TM2D1: variants seen among roughly 807,000 people sequenced by gnomAD.
The protein encoded by TM2D1 is TM2 domain containing 1.
A neutral mutation model predicts 28.4 loss-of-function variants in TM2D1; 15 were observed. The observed-to-expected ratio is 0.53, with a 90% CI of 0.35 to 0.81. TM2D1 has a LOEUF of 0.81. TM2D1 is among the 40% of genes least tolerant of loss of function. The probability of loss-of-function intolerance (pLI) is 0.01; values close to 1 mark genes in which losing one functional copy is unlikely to be tolerated. For missense variants in TM2D1, 236 were observed against 254.9 expected (o/e 0.93, Z 0.50); for synonymous variants, 93 against 96.2 (o/e 0.97, Z 0.20).
intron 5 of TM2D1, among the ~76,000 whole-genome samples, chr1:61,690,858 T>C (rs1408973747): frequency 6.6e-6 from 1 of 152,236 alleles, no homozygotes; most frequent in Non-Finnish European, 1.5e-5. Context: ...AAACATACTT[T>C]ACCAGTCTGT....
At chr1:61,703,281 A>C (rs1336444143) in intron 3 of TM2D1, among the ~76,000 whole-genome samples, 1 of 146,796 alleles carries the variant, frequency 6.8e-6, no homozygotes, top group Non-Finnish European at 1.5e-5. Context: ...TATATATTAT[A>C]TATGAAGATG....
intron 3 of TM2D1, among the ~76,000 whole-genome samples, chr1:61,701,310 C>CGAAA (rs1644398971): frequency 1.2e-5 from 1 of 84,042 alleles, no homozygotes; most frequent in Non-Finnish European, 2.2e-5. Context: ...TAAATGTTAA[C>CGAAA]AAAAAAAAAA....
intron 3 of TM2D1, among the ~76,000 whole-genome samples, chr1:61,705,630 A>G (rs542322898): frequency 3.3e-5 from 5 of 152,298 alleles, no homozygotes; most frequent in Admixed American, 2.6e-4. Flanking sequence ...AAATACTCCT[A>G]CAAAGGTTTC....
chr1:61,688,874 A>G (rs1151758), intron 5 of TM2D1, among the ~76,000 whole-genome samples: 142,274 of 151,602 alleles, frequency 0.94, 66,798 homozygotes, highest in South Asian at 0.97. Flanking sequence ...GTGAAACGCC[A>G]TCTCTACTAA....
chr1:61,700,032 A>G, intron 4 of TM2D1: 2 of 1,205,418 alleles, frequency 1.7e-6, no homozygotes, highest in Non-Finnish European at 2.1e-6. Flanking sequence ...AAAACTTTAA[A>G]TTTGCTCAGT....
intron 5 of TM2D1, among the ~76,000 whole-genome samples, chr1:61,691,932 A>AAATATATATATATATATATAT: frequency 4.5e-4 from 34 of 76,378 alleles, no homozygotes; most frequent in East Asian, 9.5e-4. Context: ...AAAAAAAAAA[A>AAATATATATATATATATATAT]ATATATATAT....
intron 5 of TM2D1, 74 bp from the exon 6 acceptor site, chr1:61,683,620 T>C (rs1644263408): frequency 2.6e-6 from 2 of 777,570 alleles, no homozygotes; most frequent in Non-Finnish European, 4.0e-6. Context: ...CTTTTCTCAG[T>C]TGTTAATAAA....
At chr1:61,684,149 T>C (rs1644267343) in intron 5 of TM2D1, among the ~76,000 whole-genome samples, 1 of 152,174 alleles carries the variant, frequency 6.6e-6, no homozygotes, top group East Asian at 1.9e-4. Context: ...TTCGCTACAA[T>C]CATCTTGTCC....
chr1:61,687,474 C>G (rs1644292393), intron 5 of TM2D1, among the ~76,000 whole-genome samples: 1 of 152,042 alleles, frequency 6.6e-6, no homozygotes, highest in Non-Finnish European at 1.5e-5. Context: ...TTAATGTTTG[C>G]AATTTATAAA....
chr1:61,721,160 G>C (rs1045207948), intron 2 of TM2D1, among the ~76,000 whole-genome samples: 5 of 152,136 alleles, frequency 3.3e-5, no homozygotes, highest in African/African-American at 1.2e-4. Context: ...GAGCCTGGGA[G>C]GTGGAGGTTG....
intron 3 of TM2D1, among the ~76,000 whole-genome samples, chr1:61,701,310 CAAAAAAAAAAAAAAAAA>C (rs10587870): frequency 5.9e-5 from 5 of 84,042 alleles, no homozygotes; most frequent in African/African-American, 2.1e-4. Flanking sequence ...TAAATGTTAA[CAAAAAAAAAAAAAAAAA>C]AAAAAAAAGA....
At chr1:61,685,920 G>C (rs1644281967) in intron 5 of TM2D1, among the ~76,000 whole-genome samples, 1 of 152,184 alleles carries the variant, frequency 6.6e-6, no homozygotes, top group Non-Finnish European at 1.5e-5. Flanking sequence ...GGCTGAGGTA[G>C]GAGGATTGCT....
At chr1:61,701,912 C>T (rs150483496) in intron 3 of TM2D1, among the ~76,000 whole-genome samples, 154 of 152,232 alleles carry the variant, frequency 1.0e-3, no homozygotes, top group Non-Finnish European at 1.5e-3. Flanking sequence ...GACTCCAAGA[C>T]GGGCGCGGTG....
chr1:61,709,730 T>C (rs905217908), intron 2 of TM2D1, among the ~76,000 whole-genome samples: 3 of 152,192 alleles, frequency 2.0e-5, no homozygotes, highest in Non-Finnish European at 2.9e-5. Context: ...AAGGGAAGAA[T>C]TGCACAACAT....
At chr1:61,688,774 G>C (rs949790695) in intron 5 of TM2D1, among the ~76,000 whole-genome samples, 1 of 150,272 alleles carries the variant, frequency 6.7e-6, no homozygotes, top group African/African-American at 2.5e-5. Context: ...GCTGGGTGTG[G>C]TGGCTTATGC....
intron 2 of TM2D1, among the ~76,000 whole-genome samples, chr1:61,719,910 G>A (rs1264236940): frequency 6.6e-6 from 1 of 152,192 alleles, no homozygotes; most frequent in East Asian, 1.9e-4. Context: ...TTTACAGTCA[G>A]AAGTTAGAAT....
intron 5 of TM2D1, among the ~76,000 whole-genome samples, chr1:61,693,013 TGGGCAGATTGCTTGAGCTCAGG>T (rs1644340199): frequency 6.6e-6 from 1 of 152,076 alleles, no homozygotes; most frequent in African/African-American, 2.4e-5. Context: ...AAGGCTGAGG[TGGGCAGATTGCTTGAGCTCAGG>T]AGACCAGCCT....
chr1:61,695,412 G>A (rs1052481233), intron 4 of TM2D1, among the ~76,000 whole-genome samples: 1 of 146,054 alleles, frequency 6.8e-6, no homozygotes, highest in African/African-American at 2.5e-5. Flanking sequence ...GATGATAACA[G>A]AGTATCTAAT....
chr1:61,701,556 C>CGTGT (rs60257971), intron 3 of TM2D1, among the ~76,000 whole-genome samples: 5,929 of 145,902 alleles, frequency 0.041, 350 homozygotes, highest in African/African-American at 0.14. Context: ...AATTCTCTTT[C>CGTGT]GTGTGTGTGT....
Sources: gnomAD v4.1 joint callset for allele counts (sites outside exome capture counted in the v4.1 genomes callset) on GRCh38, gnomAD v4.1.1 for gene constraint, MANE v1.5 for transcripts, NCBI Gene and HGNC (gene_info 2026-07-23, HGNC 2026-07-21) for gene names.